MSRA: variants seen among roughly 807,000 people sequenced by gnomAD.
MSRA encodes mitochondrial peptide methionine sulfoxide reductase.
Under a neutral mutation model 31.3 loss-of-function variants are expected in MSRA, and 54 were observed. The observed-to-expected ratio is 1.73, with a 90% CI of 1.39 to 2.17. The LOEUF is 2.17. MSRA is among the 30% of genes most tolerant of loss of function. The pLI, the probability that MSRA is intolerant of heterozygous loss-of-function variation, is 0.00. For missense variants in MSRA, 507 were observed against 300.9 expected (o/e 1.69, Z -5.07); for synonymous variants, 169 against 116.5 (o/e 1.45, Z -2.90).
At chr8:10,262,612 T>A (rs962826101) in intron 3 of MSRA, among the ~76,000 whole-genome samples, 1 of 152,258 alleles carries the variant, frequency 6.6e-6, no homozygotes, top group African/African-American at 2.4e-5. Context: ...TTGGCCTTTA[T>A]CAGATATGTG....
chr8:10,293,284 G>A (rs893277890), intron 3 of MSRA, among the ~76,000 whole-genome samples: 1 of 152,106 alleles, frequency 6.6e-6, no homozygotes, highest in Non-Finnish European at 1.5e-5. Context: ...CAGGTGCGTG[G>A]GTAAGCTCAT....
rs1272024255 is a variant in MSRA at position 10,100,532 on chromosome 8, A to G, written c.142+45874A>G. Among the ~76,000 whole-genome samples the G allele has an allele frequency of 2.0e-5, 3 of 152,086 alleles. No homozygotes were observed. The East Asian group carries it at 5.8e-4, about 29-fold the overall frequency. The stretch of plus-strand genomic sequence containing the variant: ...ATCTGACCATGGAGTCTAGGGGGCT[A>G]GGGGATGTGATCAGAAGTGTTCTAG... On this transcript the variant is annotated intron_variant, in intron 1 of 5. Coordinates refer to ENST00000317173, the MANE Select transcript of MSRA (RefSeq NM_012331.5).
intron 2 of MSRA, among the ~76,000 whole-genome samples, chr8:10,213,208 C>A (rs573467024): frequency 1.2e-4 from 19 of 152,242 alleles, no homozygotes; most frequent in Middle Eastern, 3.4e-3. Flanking sequence ...CTACCCTTCC[C>A]AGCCTTTGGT....
At chr8:10,211,200 A>T (rs1809463186) in intron 2 of MSRA, among the ~76,000 whole-genome samples, 1 of 152,220 alleles carries the variant, frequency 6.6e-6, no homozygotes, top group Admixed American at 6.5e-5. Flanking sequence ...AGAGTGTGGG[A>T]TAAAGGCATT....
At chr8:10,248,683 C>T (rs530032397) in intron 3 of MSRA, among the ~76,000 whole-genome samples, 10 of 152,150 alleles carry the variant, frequency 6.6e-5, no homozygotes, top group African/African-American at 9.7e-5. Flanking sequence ...AACCCCAAAT[C>T]GGAGTTGTGA....
intron 5 of MSRA, among the ~76,000 whole-genome samples, chr8:10,379,599 T>C (rs947971765): frequency 6.6e-6 from 1 of 152,144 alleles, no homozygotes; most frequent in African/African-American, 2.4e-5. Context: ...TCTGGCACCC[T>C]GGTCTCCTCC....
chr8:10,121,566 C>G (rs1801109116), intron 1 of MSRA, among the ~76,000 whole-genome samples: 2 of 152,264 alleles, frequency 1.3e-5, no homozygotes, highest in South Asian at 4.1e-4. Flanking sequence ...TGACTTAAGC[C>G]TTTTGGCCAG....
intron 5 of MSRA, among the ~76,000 whole-genome samples, chr8:10,423,940 A>C (rs994833918): frequency 6.7e-6 from 1 of 150,190 alleles, no homozygotes. Flanking sequence ...CATTAATTGC[A>C]CACAGTGCAC....
intron 2 of MSRA, among the ~76,000 whole-genome samples, chr8:10,217,347 C>G (rs1448257114): frequency 3.3e-5 from 5 of 152,202 alleles, no homozygotes; most frequent in African/African-American, 4.8e-5. Context: ...GACCCTCTCC[C>G]CACAAGGGAC....
At chr8:10,112,794 T>C (rs1017448869) in intron 1 of MSRA, among the ~76,000 whole-genome samples, 2 of 151,424 alleles carry the variant, frequency 1.3e-5, no homozygotes, top group Non-Finnish European at 2.9e-5. Flanking sequence ...AGTTTTTCTC[T>C]TTCTCAAACT....
Position 10,054,421 on chromosome 8 carries a change from G to C in MSRA, c.-96G>C. 37 of 204,278 alleles carry C rather than the reference G, an allele frequency of 1.8e-4. No homozygotes were observed. Among genetic ancestry groups the C allele is most frequent in the Non-Finnish European group, 2.4e-4 (30 of 123,876 alleles). 12.7% of individuals were successfully genotyped at this position (204,278 alleles called of 1,614,324 possible). A position where few individuals can be genotyped will look rare whatever the true frequency, so the allele number is the denominator to read the frequency against. On this transcript the variant is annotated 5_prime_UTR_variant, in exon 1 of 6. Transcript: ENST00000317173. Reference sequence around the variant, plus strand: ...CCCGCCCGCGCCCCTGCCGCCCCCCGGTTCCGGCCGCGGACCCCACTCTCT... The same window carrying C: ...CCCGCCCGCGCCCCTGCCGCCCCCCCGTTCCGGCCGCGGACCCCACTCTCT...
chr8:10,340,137 A>G (rs1168761848), intron 5 of MSRA, among the ~76,000 whole-genome samples: 1 of 152,062 alleles, frequency 6.6e-6, no homozygotes, highest in Non-Finnish European at 1.5e-5. Context: ...GCCGCTTGAG[A>G]CCACGGAGCC....
chr8:10,307,456 G>C (rs958332159), intron 4 of MSRA, among the ~76,000 whole-genome samples: 13 of 152,172 alleles, frequency 8.5e-5, no homozygotes, highest in African/African-American at 3.1e-4. Flanking sequence ...GGTGGCCACT[G>C]CGCCCAGCTG....
At chr8:10,252,425 C>A (rs972053344) in intron 3 of MSRA, among the ~76,000 whole-genome samples, 1 of 152,158 alleles carries the variant, frequency 6.6e-6, no homozygotes, top group Non-Finnish European at 1.5e-5. Context: ...ATTTTTTCAC[C>A]AGTATTGAGT....
chr8:10,412,835 C>G (rs574406533), intron 5 of MSRA, among the ~76,000 whole-genome samples: 1 of 152,192 alleles, frequency 6.6e-6, no homozygotes, highest in Non-Finnish European at 1.5e-5. Context: ...CTGGGAATGA[C>G]ACAGAGCAAT....
chr8:10,157,404 A>G (rs561484609), intron 1 of MSRA, among the ~76,000 whole-genome samples: 23 of 152,170 alleles, frequency 1.5e-4, no homozygotes, highest in Non-Finnish European at 3.1e-4. Context: ...GGTCTGGTTG[A>G]TATCTCAGTT....
At chr8:10,231,390 CAG>C (rs1189700129) in intron 2 of MSRA, among the ~76,000 whole-genome samples, 2 of 152,222 alleles carry the variant, frequency 1.3e-5, no homozygotes, top group Admixed American at 1.3e-4. Flanking sequence ...GCTGTGAAAA[CAG>C]AGACAGAAGA....
In MSRA at chr8:10,229,975, T is replaced by C. The variant is rs117013923; in HGVS notation, c.212-15129T>C. ...CTGAATTCTCCATAAACTGGCATTC[T>C]TCTTTTTAGGAATCCCTCCATTATG... On this transcript the variant is annotated intron_variant, in intron 2 of 5. Coordinates refer to ENST00000317173, the MANE Select transcript of MSRA (RefSeq NM_012331.5). 1.9e-3 allele frequency among the ~76,000 whole-genome samples: 291 copies of C among 152,356 alleles called. 1 individual carries two copies. Among genetic ancestry groups the C allele is most frequent in the Middle Eastern group, 3.4e-3 (1 of 294 alleles).
chr8:10,424,900 C>CA (rs1464696834), intron 5 of MSRA, among the ~76,000 whole-genome samples: 1 of 152,206 alleles, frequency 6.6e-6, no homozygotes, highest in Non-Finnish European at 1.5e-5. Flanking sequence ...CAGCGGGGCC[C>CA]ACCCCGGGGG....
Sources: gnomAD v4.1 joint callset for allele counts (sites outside exome capture counted in the v4.1 genomes callset) on GRCh38, gnomAD v4.1.1 for gene constraint, MANE v1.5 for transcripts, NCBI Gene and HGNC (gene_info 2026-07-23, HGNC 2026-07-21) for gene names.